The following SNTB2 variants were observed in gnomAD, a reference collection of about 807,000 sequenced individuals.
SNTB2 encodes syntrophin beta 2, also known as beta-2-syntrophin.
A neutral mutation model predicts 46.2 loss-of-function variants in SNTB2; 34 were observed. The observed-to-expected ratio is 0.74, with a 90% CI of 0.56 to 0.98. SNTB2 has a LOEUF of 0.98. Among genes scored for constraint, SNTB2 ranks in the 50% least tolerant of loss-of-function variants. SNTB2 has a pLI of 0.00. For synonymous variants in SNTB2, 290 were observed against 312.6 expected (o/e 0.93, Z 0.76); for missense variants, 603 against 731.4 (o/e 0.82, Z 2.02).
chr16:69,239,551 A>G (rs1964590338), intron 1 of SNTB2, among the ~76,000 whole-genome samples: 1 of 151,718 alleles, frequency 6.6e-6, no homozygotes, highest in Admixed American at 6.6e-5. Flanking sequence ...TTATTTATTT[A>G]TTTATTTATT....
At position 69,187,519 on chromosome 16, in the gene SNTB2, T is replaced by C; in HGVS notation, c.353T>C (p.Val118Ala). ...TCGCCGCCCGTGCGCCGGGTGCGGG[T>C]GGTGAAGCAAGAGGCGGGCGGCCTG... is the stretch of plus-strand genomic sequence containing the variant. ...GASPPVRRVRVVKQEAGGLGI... is the reference protein window; with the variant it reads ...GASPPVRRVRAVKQEAGGLGI... The change falls in exon 1 of 7, where the codon GTG becomes GCG. Residue 118 changes from valine (V) to alanine (A), a missense_variant. Physicochemically the swap from Val to Ala is moderately conservative, Grantham distance 64. This residue lies in a region of SNTB2 where 537 missense variants were observed against 692.4 expected (regional missense o/e 0.78). Transcript: ENST00000336278. 2.2e-6 allele frequency: 3 copies of C among 1,347,790 alleles called. No individual in the cohort carries two copies. The highest frequency in any genetic ancestry group is 2.9e-6 in the Non-Finnish European group (3 of 1,037,520). The allele number at this position is 1,347,790 out of a possible 1,614,324, so 83.5% of individuals were successfully genotyped here. A position where few individuals can be genotyped will look rare whatever the true frequency, so the allele number is the denominator to read the frequency against.
At chr16:69,230,073 C>A (rs1416023820) in intron 1 of SNTB2, among the ~76,000 whole-genome samples, 1 of 152,020 alleles carries the variant, frequency 6.6e-6, no homozygotes, top group Non-Finnish European at 1.5e-5. Flanking sequence ...AGGCCTGAGC[C>A]ACTGCATCTG....
At chr16:69,218,945 T>C (rs540092743) in intron 1 of SNTB2, among the ~76,000 whole-genome samples, 38 of 152,332 alleles carry the variant, frequency 2.5e-4, no homozygotes, top group African/African-American at 9.1e-4. Flanking sequence ...TCTGTCCTCT[T>C]TATCAAGAAA....
intron 3 of SNTB2, among the ~76,000 whole-genome samples, chr16:69,268,367 G>A (rs899067936): frequency 6.6e-6 from 1 of 152,076 alleles, no homozygotes; most frequent in African/African-American, 2.4e-5. Context: ...GGGAGGCTGA[G>A]GCAGGAGAAT....
intron 1 of SNTB2, among the ~76,000 whole-genome samples, chr16:69,220,807 C>T (rs1430340192): frequency 6.6e-6 from 1 of 152,152 alleles, no homozygotes; most frequent in Non-Finnish European, 1.5e-5. Flanking sequence ...CCTAGGATTA[C>T]AGGAATAAAC....
intron 2 of SNTB2, among the ~76,000 whole-genome samples, chr16:69,252,401 C>T (rs929580379): frequency 2.0e-5 from 3 of 152,122 alleles, no homozygotes; most frequent in African/African-American, 7.2e-5. Flanking sequence ...AGAACATGAG[C>T]CCCTTCCTTA....
intron 4 of SNTB2, 121 bp downstream of exon 4, chr16:69,270,406 T>A: frequency 8.2e-7 from 1 of 1,212,966 alleles, no homozygotes; most frequent in Non-Finnish European, 1.1e-6. Flanking sequence ...CGGATATAGT[T>A]GATGCAGACA....
At chr16:69,277,139 T>C (rs1040170112) in intron 4 of SNTB2, among the ~76,000 whole-genome samples, 1 of 152,216 alleles carries the variant, frequency 6.6e-6, no homozygotes, top group African/African-American at 2.4e-5. Context: ...CAAACACGTT[T>C]AGTGAGACTT....
At chr16:69,215,384 C>A (rs1964336234) in intron 1 of SNTB2, among the ~76,000 whole-genome samples, 1 of 152,038 alleles carries the variant, frequency 6.6e-6, no homozygotes, top group South Asian at 2.1e-4. Flanking sequence ...CAAAGATTGT[C>A]TCTAAAAATA....
At chr16:69,244,112 G>A (rs1964645277) in intron 1 of SNTB2, among the ~76,000 whole-genome samples, 1 of 152,116 alleles carries the variant, frequency 6.6e-6, no homozygotes, top group African/African-American at 2.4e-5. Flanking sequence ...GAGGACCTCA[G>A]AACAGTTAAG....
At chr16:69,188,832 A>G (rs1006229000) in intron 1 of SNTB2, among the ~76,000 whole-genome samples, 3 of 152,206 alleles carry the variant, frequency 2.0e-5, no homozygotes, top group African/African-American at 7.2e-5. Flanking sequence ...GTGAAACTAT[A>G]CTTAAATGCC....
intron 5 of SNTB2, among the ~76,000 whole-genome samples, chr16:69,292,687 A>G (rs1339223487): frequency 6.7e-6 from 1 of 148,236 alleles, no homozygotes; most frequent in Non-Finnish European, 1.5e-5. Flanking sequence ...GCCTGACCTC[A>G]GGTGATCCAC....
At chr16:69,254,692 G>A (rs1023274523) in intron 2 of SNTB2, among the ~76,000 whole-genome samples, 2 of 152,192 alleles carry the variant, frequency 1.3e-5, no homozygotes, top group Non-Finnish European at 2.9e-5. Context: ...CAAATATACA[G>A]AGGGACCAAG....
intron 1 of SNTB2, among the ~76,000 whole-genome samples, chr16:69,221,313 G>C (rs555643000): frequency 6.6e-6 from 1 of 152,180 alleles, no homozygotes; most frequent in East Asian, 1.9e-4. Flanking sequence ...ATAAATGCTT[G>C]ATACATGATT....
At chr16:69,207,216 G>A (rs370063235) in intron 1 of SNTB2, among the ~76,000 whole-genome samples, 5 of 133,966 alleles carry the variant, frequency 3.7e-5, no homozygotes, top group African/African-American at 1.5e-4. Flanking sequence ...GTGCAGTGGC[G>A]CAATATCGGC....
At chr16:69,271,410 A>G (rs1430733633) in intron 4 of SNTB2, among the ~76,000 whole-genome samples, 3 of 152,152 alleles carry the variant, frequency 2.0e-5, no homozygotes, top group Non-Finnish European at 2.9e-5. Context: ...ATTTCTTAAT[A>G]TTTGGTTTTT....
chr16:69,292,381 ATATATATATT>A (rs1965172844), intron 5 of SNTB2, among the ~76,000 whole-genome samples: 2 of 21,248 alleles, frequency 9.4e-5, no homozygotes, highest in African/African-American at 4.2e-4. Flanking sequence ...TATATATATT[ATATATATATT>A]ATATATATAT....
intron 5 of SNTB2, among the ~76,000 whole-genome samples, chr16:69,298,951 C>T (rs1212381746): frequency 6.6e-6 from 1 of 152,158 alleles, no homozygotes; most frequent in Non-Finnish European, 1.5e-5. Context: ...TTGGGGATTT[C>T]CTGTCTATGC....
intron 1 of SNTB2, among the ~76,000 whole-genome samples, chr16:69,211,536 GAAAAAAA>G (rs71254074): frequency 1.0e-5 from 1 of 96,058 alleles, no homozygotes; most frequent in Non-Finnish European, 2.1e-5. Flanking sequence ...CATCTCAAGG[GAAAAAAA>G]AAAAAAAAAA....
Sources: gnomAD v4.1 joint callset for allele counts (sites outside exome capture counted in the v4.1 genomes callset) on GRCh38, gnomAD v4.1.1 for gene constraint, gnomAD v4.1.1 regional missense constraint, MANE v1.5 for transcripts, NCBI Gene and HGNC (gene_info 2026-07-23, HGNC 2026-07-21) for gene names.